Variants in PRKCI observed in about 807,000 individuals in gnomAD.
PRKCI encodes protein kinase C iota type.
Under a neutral mutation model 84.0 loss-of-function variants are expected in PRKCI, and 43 were observed. The ratio of observed to expected loss-of-function variants is 0.51; its 90% confidence interval spans 0.40 to 0.66. The LOEUF is 0.66. PRKCI is among the 30% of genes least tolerant of loss of function. The pLI is 0.00. For synonymous variants in PRKCI, 216 were observed against 234.4 expected (o/e 0.92, Z 0.72); for missense variants, 459 against 745.6 (o/e 0.62, Z 4.48).
intron 3 of PRKCI, among the ~76,000 whole-genome samples, chr3:170,261,658 A>G (rs1261037168): frequency 6.6e-6 from 1 of 151,532 alleles, no homozygotes; most frequent in African/African-American, 2.4e-5. Context: ...TAATTTTTGT[A>G]TTTTTAGTAG....
rs566998681 is a variant in PRKCI, at chr3:170,226,240, A to T, written c.101+3470A>T. Among the ~76,000 whole-genome samples, 222 of 152,182 alleles carry T rather than the reference A, an allele frequency of 1.5e-3. 2 individuals carry two copies. Among genetic ancestry groups the T allele is most frequent in the Non-Finnish European group, 2.8e-3 (192 of 68,042 alleles). On this transcript the variant is annotated intron_variant, in intron 1 of 17. Coordinates refer to ENST00000295797, the MANE Select transcript of PRKCI (RefSeq NM_002740.6). Reference sequence around the variant, plus strand: ...TTTACATCTAGTTTTTAAGCAAGAGATTAATAGCACTGAAAATTCAATTTT... The same window carrying T: ...TTTACATCTAGTTTTTAAGCAAGAGTTTAATAGCACTGAAAATTCAATTTT...
chr3:170,237,026 A>T (rs569999764), intron 2 of PRKCI, among the ~76,000 whole-genome samples: 1 of 152,346 alleles, frequency 6.6e-6, no homozygotes, highest in East Asian at 1.9e-4. Context: ...GCCTTGAGGA[A>T]TACAAAGGAA....
chr3:170,269,882 C>T (rs1384770028), intron 5 of PRKCI, among the ~76,000 whole-genome samples: 7 of 151,680 alleles, frequency 4.6e-5, no homozygotes, highest in Non-Finnish European at 8.8e-5. Flanking sequence ...CACTTGAACC[C>T]GGGAGGCGGA....
At chr3:170,289,328 T>C (rs1420550798) in intron 12 of PRKCI, among the ~76,000 whole-genome samples, 1 of 152,216 alleles carries the variant, frequency 6.6e-6, no homozygotes, top group African/African-American at 2.4e-5. Flanking sequence ...CACAACATAT[T>C]ACTAAATATT....
chr3:170,241,804 G>A (rs1030489427), intron 2 of PRKCI, among the ~76,000 whole-genome samples: 2 of 148,106 alleles, frequency 1.4e-5, no homozygotes, highest in African/African-American at 5.3e-5. Context: ...TTAGCTACAG[G>A]TGTGTACCAC....
chr3:170,279,406 T>TG (rs1734192800), intron 8 of PRKCI, among the ~76,000 whole-genome samples: 1 of 152,206 alleles, frequency 6.6e-6, no homozygotes, highest in Non-Finnish European at 1.5e-5. Context: ...GTTTTGTGCT[T>TG]GCGGGTTTCT....
At position 170,222,449 on chromosome 3, in the gene PRKCI, G is replaced by T. The variant is rs1378180396; in HGVS notation, c.-221G>T. The T allele has an allele frequency of 4.4e-6, 2 of 452,726 alleles. No homozygotes were observed. The highest frequency in any genetic ancestry group is 3.8e-6 in the Non-Finnish European group (1 of 260,702). 28.0% of individuals were successfully genotyped at this position (452,726 alleles called of 1,614,324 possible). ...GACGCAGGAGGTGTCTTGGGCCCGGGCGGCTGTAGAGGCGGCGGCGCCTAC... is the reference window on the plus strand; with the variant it reads ...GACGCAGGAGGTGTCTTGGGCCCGGTCGGCTGTAGAGGCGGCGGCGCCTAC... On this transcript the variant is annotated 5_prime_UTR_variant, in exon 1 of 18. Transcript: ENST00000295797.
chr3:170,284,338 A>G, intron 11 of PRKCI, 123 bp from the exon 12 acceptor site: 3 of 854,804 alleles, frequency 3.5e-6, no homozygotes, highest in Non-Finnish European at 5.2e-6. Flanking sequence ...TCATTTTTCA[A>G]ATTTGTTCCT....
chr3:170,265,479 G>A (rs1315340769), intron 4 of PRKCI, among the ~76,000 whole-genome samples: 1 of 152,076 alleles, frequency 6.6e-6, no homozygotes, highest in Non-Finnish European at 1.5e-5. Context: ...ATTGCTTTTG[G>A]TATTTTGGCA....
At position 170,271,075 on chromosome 3, in the gene PRKCI, C is replaced by CT. The variant is rs770972916; in HGVS notation, c.591+515dup. On this transcript the variant is annotated intron_variant, in intron 6 of 17. Coordinates refer to ENST00000295797, the MANE Select transcript of PRKCI (RefSeq NM_002740.6). ...ACAGAATACAGATGAATAAAGAAAA[C>CT]TAAGTAAAAGTCCACATATATTCTA... 3.3e-5 allele frequency among the ~76,000 whole-genome samples: 5 copies of CT among 152,170 alleles called. No homozygotes were observed. In the East Asian group the frequency reaches 5.8e-4, roughly 18 times the overall value.
At chr3:170,284,750 T>G (rs943010877) in intron 12 of PRKCI, among the ~76,000 whole-genome samples, 154 bp downstream of exon 12, 1 of 152,244 alleles carries the variant, frequency 6.6e-6, no homozygotes, top group South Asian at 2.1e-4. Context: ...GTACTTTTTT[T>G]CTAACCATTT....
chr3:170,263,118 G>A (rs1388577497), intron 3 of PRKCI, among the ~76,000 whole-genome samples: 3 of 150,070 alleles, frequency 2.0e-5, no homozygotes, highest in Non-Finnish European at 3.0e-5. Flanking sequence ...GCAGTGAGTC[G>A]AGATCGCGCC....
chr3:170,267,880 C>G (rs1404070229), intron 4 of PRKCI, 35 bp from the exon 5 acceptor site: 1 of 1,464,950 alleles, frequency 6.8e-7, no homozygotes, highest in African/African-American at 1.4e-5. Context: ...CAAACTTGCT[C>G]TTTTTTCTTT....
chr3:170,280,057 ATAGT>A, intron 8 of PRKCI, 166 bp from the exon 9 acceptor site: 1 of 556,354 alleles, frequency 1.8e-6, no homozygotes, highest in Non-Finnish European at 2.9e-6. Flanking sequence ...TATAATCTGG[ATAGT>A]TAGATTATTT....
At chr3:170,232,007 A>G (rs1459176343) in intron 1 of PRKCI, among the ~76,000 whole-genome samples, 1 of 152,114 alleles carries the variant, frequency 6.6e-6, no homozygotes, top group South Asian at 2.1e-4. Context: ...AAAAAACTCA[A>G]CTGAAAAAAG....
chr3:170,224,247 T>G (rs1467230345), intron 1 of PRKCI, among the ~76,000 whole-genome samples: 1 of 152,126 alleles, frequency 6.6e-6, no homozygotes, highest in Non-Finnish European at 1.5e-5. Context: ...TTAGCTTGAC[T>G]GTATGCAGGA....
At chr3:170,274,988 C>T (rs1281823024) in intron 7 of PRKCI, among the ~76,000 whole-genome samples, 1 of 152,062 alleles carries the variant, frequency 6.6e-6, no homozygotes, top group Non-Finnish European at 1.5e-5. Flanking sequence ...TACTTGGCTA[C>T]CAGGTTGTGA....
chr3:170,246,257 A>T (rs889558508), intron 2 of PRKCI, among the ~76,000 whole-genome samples: 1 of 151,914 alleles, frequency 6.6e-6, no homozygotes. Context: ...TGTTCAAGTG[A>T]TTCTCTTGCC....
intron 1 of PRKCI, among the ~76,000 whole-genome samples, chr3:170,234,898 G>A (rs906073241): frequency 6.6e-6 from 1 of 151,566 alleles, no homozygotes; most frequent in Non-Finnish European, 1.5e-5. Context: ...CACCTCCCAT[G>A]TTCCCCCCCT....
Sources: gnomAD v4.1 joint callset for allele counts (sites outside exome capture counted in the v4.1 genomes callset) on GRCh38, gnomAD v4.1.1 for gene constraint, MANE v1.5 for transcripts, NCBI Gene and HGNC (gene_info 2026-07-23, HGNC 2026-07-21) for gene names.